The following EVA1C variants were observed in gnomAD, a reference collection of about 807,000 sequenced individuals.
EVA1C encodes eva-1 homolog C.
In EVA1C, 25 loss-of-function variants were observed where a neutral mutation model predicts 45.4. That is an observed-to-expected ratio of 0.55 (90% CI 0.40 to 0.77). EVA1C has a LOEUF of 0.77. Ranked by LOEUF, EVA1C falls within the 30% of genes least tolerant of loss-of-function variation. The pLI, the probability that EVA1C is intolerant of heterozygous loss-of-function variation, is 0.00. For missense variants in EVA1C, 479 were observed against 554.8 expected, an observed-to-expected ratio of 0.86 and a Z score of 1.37; for synonymous variants, 190 against 221.2, an observed-to-expected ratio of 0.86 and a Z score of 1.25.
At chr21:32,468,892 T>TACATACAC (rs1222895481) in intron 4 of EVA1C, among the ~76,000 whole-genome samples, 1 of 152,094 alleles carries the variant, frequency 6.6e-6, no homozygotes, top group East Asian at 1.9e-4. Flanking sequence ...ACCATCACAG[T>TACATACAC]AGGGTTATAC....
chr21:32,501,338 T>G (rs565185312), intron 5 of EVA1C, 77 bp from the exon 6 acceptor site: 1 of 1,249,014 alleles, frequency 8.0e-7, no homozygotes, highest in Non-Finnish European at 1.1e-6. Context: ...TTATCTACAT[T>G]GCATTTAAAA....
At chr21:32,429,508 T>C (rs2034616914) in intron 1 of EVA1C, among the ~76,000 whole-genome samples, 1 of 148,310 alleles carries the variant, frequency 6.7e-6, no homozygotes, top group Non-Finnish European at 1.5e-5. Context: ...CACGCACCCC[T>C]ACACCCAGCT....
chr21:32,430,358 C>G (rs992732253), intron 1 of EVA1C, among the ~76,000 whole-genome samples: 1 of 152,134 alleles, frequency 6.6e-6, no homozygotes. Flanking sequence ...GACCCGCCAG[C>G]AATACCAGAA....
chr21:32,445,842 A>G lies in EVA1C; in HGVS notation c.161-7470A>G, dbSNP rs140887019. On this transcript the variant is annotated intron_variant, in intron 1 of 7. Transcript: ENST00000300255. ...GAAGGTTTTACCCATGGCAGTAGCT[A>G]TAAGACTTTCTGCTGATACACAGTG... Among the ~76,000 whole-genome samples the G allele has an allele frequency of 9.3e-3, 1,411 of 152,314 alleles. 22 individuals carry two copies. The highest frequency in any genetic ancestry group is 0.032 in the African/African-American group (1,342 of 41,572).
chr21:32,442,122 G>A (rs2833835), intron 1 of EVA1C, among the ~76,000 whole-genome samples: 30,393 of 152,062 alleles, frequency 0.2, 4,170 homozygotes, highest in African/African-American at 0.38. Flanking sequence ...CTGTGTGCTC[G>A]GGAAGAAAAT....
intron 3 of EVA1C, among the ~76,000 whole-genome samples, chr21:32,458,554 T>C (rs866429020): frequency 6.6e-6 from 1 of 150,440 alleles, no homozygotes; most frequent in Middle Eastern, 3.4e-3. Flanking sequence ...CAATCTCGGC[T>C]CACCACAACT....
chr21:32,412,549 T>A (rs1030760863), upstream of EVA1C: 5 of 297,448 alleles, frequency 1.7e-5, no homozygotes, highest in African/African-American at 1.1e-4. Context: ...GCGCGAAGGC[T>A]GCGCTTTCCC....
At position 32,447,241 on chromosome 21, in the gene EVA1C, C is replaced by T. The variant is rs147189147; in HGVS notation, c.161-6071C>T. On this transcript the variant is annotated intron_variant, in intron 1 of 7. Transcript: ENST00000300255. ...AACAGAAATTAGCTGGGCATGGTGG[C>T]GGGCACTGTAGTCCCAGCTACTCCA... 8.6e-5 allele frequency among the ~76,000 whole-genome samples: 13 copies of T among 152,018 alleles called. No homozygotes were observed. In the East Asian group the frequency reaches 9.7e-4, roughly 11 times the overall value.
intron 1 of EVA1C, chr21:32,433,420 T>C (rs2034790922): frequency 6.6e-6 from 1 of 152,564 alleles, no homozygotes; most frequent in South Asian, 2.1e-4. Context: ...GTTCCCCGTC[T>C]GCCTCGCTGC....
At chr21:32,434,674 T>C (rs1367385412) in intron 1 of EVA1C, among the ~76,000 whole-genome samples, 3 of 152,060 alleles carry the variant, frequency 2.0e-5, no homozygotes, top group Admixed American at 6.6e-5. Flanking sequence ...AGGGGAAATT[T>C]TGGACACAGA....
At chr21:32,458,999 G>A (rs1169698990) in intron 3 of EVA1C, among the ~76,000 whole-genome samples, 1 of 152,034 alleles carries the variant, frequency 6.6e-6, no homozygotes, top group Admixed American at 6.6e-5. Context: ...GCAGGCTTCT[G>A]TCAAACCCCT....
intron 1 of EVA1C, among the ~76,000 whole-genome samples, chr21:32,415,532 C>G (rs1478299019): frequency 2.0e-5 from 3 of 152,098 alleles, no homozygotes. Flanking sequence ...GCGGCTCTTC[C>G]TTGAGCCTTT....
intron 4 of EVA1C, 165 bp downstream of exon 4, chr21:32,468,013 T>G: frequency 2.9e-6 from 1 of 343,896 alleles, no homozygotes. Flanking sequence ...AACTCCCGTG[T>G]GTGTGTGTAT....
chr21:32,444,053 AACACACACACAC>A (rs60086580), intron 1 of EVA1C, among the ~76,000 whole-genome samples: 453 of 140,038 alleles, frequency 3.2e-3, no homozygotes, highest in African/African-American at 4.9e-3. Flanking sequence ...ATTGTGTGAA[AACACACACACAC>A]ACACACACAC....
At chr21:32,484,215 T>C (rs142267259) in intron 4 of EVA1C, among the ~76,000 whole-genome samples, 2 of 152,258 alleles carry the variant, frequency 1.3e-5, no homozygotes, top group African/African-American at 4.8e-5. Context: ...TAGTTCGATG[T>C]TGATGCTCTT....
intron 4 of EVA1C, among the ~76,000 whole-genome samples, chr21:32,476,670 G>C (rs558752818): frequency 5.9e-5 from 9 of 151,984 alleles, no homozygotes; most frequent in Admixed American, 5.9e-4. Context: ...ATAAGTTCAA[G>C]AGGAAGAGGG....
At chr21:32,440,861 G>A (rs1020343896) in intron 1 of EVA1C, among the ~76,000 whole-genome samples, 1 of 152,200 alleles carries the variant, frequency 6.6e-6, no homozygotes, top group African/African-American at 2.4e-5. Flanking sequence ...AGCACTTTGG[G>A]AGGCCGAGGC....
chr21:32,447,050 G>A (rs189010756), intron 1 of EVA1C, among the ~76,000 whole-genome samples: 8 of 152,158 alleles, frequency 5.3e-5, no homozygotes, highest in South Asian at 4.2e-4. Context: ...ATTTTGAGCC[G>A]TCTCTTGACA....
At chr21:32,430,272 C>T (rs1016978367) in intron 1 of EVA1C, among the ~76,000 whole-genome samples, 1 of 152,126 alleles carries the variant, frequency 6.6e-6, no homozygotes, top group African/African-American at 2.4e-5. Context: ...CTTCTCTAGC[C>T]CCTTTCCCAA....
Sources: allele counts gnomAD v4.1 joint callset (sites outside exome capture counted in the v4.1 genomes callset), GRCh38; gene constraint gnomAD v4.1.1; transcripts MANE v1.5; gene names NCBI Gene and HGNC (gene_info 2026-07-23, HGNC 2026-07-21).